The following ZNF394 variants were observed in gnomAD, a reference collection of about 807,000 sequenced individuals.
The protein encoded by ZNF394 is zinc finger protein 99.
ZNF394 carries 19 observed loss-of-function variants against 21.8 expected under a neutral mutation model. The ratio of observed to expected loss-of-function variants is 0.87; its 90% CI spans 0.61 to 1.28. The LOEUF (loss-of-function observed/expected upper bound fraction) is 1.28. Among genes scored for constraint, ZNF394 ranks in the 50% most tolerant of loss-of-function variants. ZNF394 has a pLI of 0.00. For missense variants in ZNF394, 683 were observed against 708.6 expected, an observed-to-expected ratio of 0.96 and a Z score of 0.41; for synonymous variants, 294 against 273.3, an observed-to-expected ratio of 1.08 and a Z score of -0.75.
At chr7:99,497,122 G>GTGTGTGTGTGTATATA (rs1322382800) in intron 2 of ZNF394, among the ~76,000 whole-genome samples, 1 of 79,466 alleles carries the variant, frequency 1.3e-5, no homozygotes, top group African/African-American at 7.4e-5. Context: ...GTGTGTGTGT[G>GTGTGTGTGTGTATATA]TATATATATA....
intron 2 of ZNF394, among the ~76,000 whole-genome samples, chr7:99,497,110 G>GTATATA (rs1321695847): frequency 8.4e-5 from 10 of 118,724 alleles, no homozygotes; most frequent in African/African-American, 3.6e-4. Context: ...GTGTGTGTGT[G>GTATATA]TGTGTGTGTG....
In ZNF394 at chr7:99,500,215, G is replaced by A. The variant is rs1481414638; in HGVS notation, c.-122C>T. The A allele has an allele frequency of 7.7e-6, 7 of 914,504 alleles. No homozygotes were observed. In the African/African-American group the frequency reaches 8.4e-5, roughly 11 times the overall value. 56.6% of individuals were successfully genotyped at this position (914,504 alleles called of 1,614,324 possible). A position where few individuals can be genotyped will look rare whatever the true frequency, so the allele number is the denominator to read the frequency against. On this transcript the variant is annotated 5_prime_UTR_variant, in exon 1 of 3. Transcript: ENST00000337673. Reference sequence around the variant, plus strand: ...CAAACACCGGGCCCCACCACACCAGGCCCCTCTCCACACTCTCCTTTCCTC... The same window carrying A: ...CAAACACCGGGCCCCACCACACCAGACCCCTCTCCACACTCTCCTTTCCTC...
chr7:99,498,901 T>C (rs989881133), intron 1 of ZNF394, 59 bp from the exon 2 acceptor site: 1 of 1,540,958 alleles, frequency 6.5e-7, no homozygotes, highest in South Asian at 1.2e-5. Flanking sequence ...ACTAACACTC[T>C]TCTTGAGTCT....
chr7:99,490,241 G>A (rs71539200), downstream of ZNF394, among the ~76,000 whole-genome samples: 2 of 134,576 alleles, frequency 1.5e-5, no homozygotes, highest in Admixed American at 8.7e-5. Flanking sequence ...TGCAACCTCC[G>A]CCTCCTGGGT....
chr7:99,492,678 G>A (rs1800188954), downstream of ZNF394, among the ~76,000 whole-genome samples: 1 of 150,924 alleles, frequency 6.6e-6, no homozygotes. Flanking sequence ...AAGGTAGGCT[G>A]GGTGTGGTGG....
chr7:99,494,357 C>A lies in ZNF394; in HGVS notation c.858G>T (p.Leu286Phe). The A allele has an allele frequency of 6.2e-7, 1 of 1,614,198 alleles. No individual in the cohort carries two copies. Among genetic ancestry groups the A allele is most frequent in the African/African-American group, 1.3e-5 (1 of 75,050 alleles). Residue 286 changes from leucine to phenylalanine, a missense_variant, in exon 3 of 3, where the codon TTG becomes TTT. By Grantham distance (22) the Leu-to-Phe change is conservative. This residue lies in a region of ZNF394 where 402 missense variants were observed against 373.8 expected (regional missense o/e 1.08). Coordinates refer to ENST00000337673, the MANE Select transcript of ZNF394 (RefSeq NM_032164.4). ...IEGEDSKNNE[L>F]QNSARCSNLV... ...GGTTGGAACACCTGGCACTGTTCTGCAATTCATTATTTTTAGAGTCTTCCC... is the reference window on the plus strand; with the variant it reads ...GGTTGGAACACCTGGCACTGTTCTGAAATTCATTATTTTTAGAGTCTTCCC...
chr7:99,499,588 A>T (rs1232429693), intron 1 of ZNF394, 50 bp downstream of exon 1: 6 of 1,492,472 alleles, frequency 4.0e-6, no homozygotes, highest in Non-Finnish European at 5.4e-6. Context: ...GCACCCCTAA[A>T]CGCCTATTTT....
At chr7:99,486,788 G>A (rs1468337535) in exon 2 of ZNF394, 2 of 1,614,056 alleles carry the variant, frequency 1.2e-6, no homozygotes, top group African/African-American at 2.7e-5. Flanking sequence ...GGGCATGAGC[G>A]AATTCTCACA....
At chr7:99,487,401 C>T in intron 1 of ZNF394, 1 of 1,614,228 alleles carries the variant, frequency 6.2e-7, no homozygotes, top group Non-Finnish European at 8.5e-7. Flanking sequence ...GCCAACCCTA[C>T]CAATGTGTCA....
rs1800211967 is a variant in ZNF394, at chr7:99,493,603, T to C, written c.1612A>G (p.Thr538Ala). 6.2e-7 allele frequency: 1 copy of C among 1,614,210 alleles called. No individual in the cohort carries two copies. ...LECGERFRQS[T>A]HLIRHQRIHQ... is the part of the protein sequence containing the mutation. The stretch of plus-strand genomic sequence containing the variant: ...ATTCTTTGGTGTCGGATAAGGTGTG[T>C]ACTTTGTCTAAATCTTTCCCCACAT... Residue 538 changes from threonine (T) to alanine (A), a missense_variant, in exon 3 of 3, where the codon ACA becomes GCA. Thr to Ala is a moderately conservative substitution (Grantham distance 58). This residue lies in a region of ZNF394 where 274 missense variants were observed against 314.1 expected (regional missense o/e 0.87). Transcript: ENST00000337673.
intron 1 of ZNF394, among the ~76,000 whole-genome samples, chr7:99,488,026 C>A (rs1031171211): frequency 8.7e-5 from 12 of 137,978 alleles, no homozygotes; most frequent in Admixed American, 2.3e-4. Flanking sequence ...GAGCTGAGAT[C>A]GTGCCACTGC....
rs1274603167 is a variant in ZNF394 at position 99,494,075 on chromosome 7, G to A, written c.1140C>T (p.His380=). The part of the protein sequence containing the change: ...RSDLFRHQRI[H]TGEKPYGCQE... The stretch of plus-strand genomic sequence containing the variant: ...GGCAGCCATAGGGTTTCTCACCTGT[G>A]TGGATTCTCTGGTGTCTAAAGAGGT... The change falls in exon 3 of 3, where the codon CAC becomes CAT. Residue 380 remains histidine, a synonymous_variant. Transcript: ENST00000337673. 6.2e-7 allele frequency: 1 copy of A among 1,614,168 alleles called. No homozygotes were observed. Among genetic ancestry groups the A allele is most frequent in the Non-Finnish European group, 8.5e-7 (1 of 1,180,046 alleles).
rs1800470903 is a variant in ZNF394 at position 99,500,002 on chromosome 7, G to C, written c.92C>G (p.Ser31Cys). The C allele has an allele frequency of 1.2e-6, 2 of 1,610,776 alleles. No homozygotes were observed. The highest frequency in any genetic ancestry group is 1.3e-5 in the African/African-American group (1 of 74,950). The change falls in exon 1 of 3, where the codon TCC becomes TGC. Residue 31 changes from serine to cysteine, a missense_variant. Transcript: ENST00000337673. ...CACGGGCAAAAGTCCGTCGCGTTGG[G>C]ACGGCGCCGCGTCCTTGGACCTCGC... ...MAARSKDAAPSQRDGLLPVKV... is the reference protein window; with the variant it reads ...MAARSKDAAPCQRDGLLPVKV...
exon 2 of ZNF394, chr7:99,486,940 C>A: frequency 6.2e-7 from 1 of 1,614,164 alleles, no homozygotes; most frequent in Non-Finnish European, 8.5e-7. Context: ...GCGGTCAGCT[C>A]TTACGGTCCA....
downstream of ZNF394, among the ~76,000 whole-genome samples, chr7:99,492,236 A>C (rs993162627): frequency 8.5e-5 from 13 of 152,146 alleles, no homozygotes; most frequent in Non-Finnish European, 1.9e-4. Context: ...TTTGGGGATT[A>C]TGAAGTAGTT....
intron 2 of ZNF394, chr7:99,498,281 G>A (rs1198844339): frequency 1.9e-5 from 3 of 156,928 alleles, no homozygotes; most frequent in Non-Finnish European, 2.8e-5. Context: ...GTGGAGCTAC[G>A]TGTCTATGTA....
chr7:99,499,813 C>T lies in ZNF394; in HGVS notation c.281G>A (p.Arg94Lys). The change falls in exon 1 of 3, where the codon AGA (arginine) becomes AAA (lysine). Residue 94 changes from arginine (R) to lysine (K), a missense_variant. Arg to Lys is a conservative substitution (Grantham distance 26). Around this residue, in one of 3 missense-constraint regions of ZNF394, gnomAD observed 402 missense variants for 373.8 expected, o/e 1.08. Coordinates refer to ENST00000337673, the MANE Select transcript of ZNF394 (RefSeq NM_032164.4). ...RLRELCRRWL[R>K]PELLSKEQIL... is the part of the protein sequence containing the mutation. The stretch of plus-strand genomic sequence containing the variant: ...CTGCTCCTTGGAGAGCAGCTCGGGT[C>T]TCAGCCACCGACGACAGAGTTCTCG... 1 of 1,614,196 alleles carries T rather than the reference C, an allele frequency of 6.2e-7. No homozygotes were observed. Among genetic ancestry groups the T allele is most frequent in the South Asian group, 1.1e-5 (1 of 91,090 alleles).
intron 2 of ZNF394, among the ~76,000 whole-genome samples, chr7:99,495,572 C>G (rs748053486): frequency 1.1e-4 from 17 of 150,686 alleles, no homozygotes; most frequent in East Asian, 3.9e-4. Flanking sequence ...TTATCCACCC[C>G]CCTCGGCCTT....
exon 2 of ZNF394, chr7:99,486,542 C>A: frequency 6.2e-7 from 1 of 1,614,088 alleles, no homozygotes; most frequent in South Asian, 1.1e-5. Context: ...GATTTAGAGT[C>A]ATATAAGATA....
Sources: allele counts gnomAD v4.1 joint callset (sites outside exome capture counted in the v4.1 genomes callset), GRCh38; gene constraint gnomAD v4.1.1; regional missense constraint gnomAD v4.1.1; transcripts MANE v1.5; gene names NCBI Gene and HGNC (gene_info 2026-07-23, HGNC 2026-07-21).